Variants in UNC80 observed in about 807,000 individuals in gnomAD.
The protein encoded by UNC80 is unc-80 subunit of NALCN channel complex.
In UNC80, 164 loss-of-function variants were observed where a neutral mutation model predicts 384.6. The ratio of observed to expected loss-of-function variants is 0.43; its 90% CI spans 0.38 to 0.49. The LOEUF (loss-of-function observed/expected upper bound fraction) is 0.49. Ranked by LOEUF, UNC80 falls within the 20% of genes least tolerant of loss-of-function variation. UNC80 has a pLI of 0.00. For missense variants in UNC80, 3,330 were observed against 4,143.0 expected (o/e 0.80, Z 5.39); for synonymous variants, 1,486 against 1,527.8 (o/e 0.97, Z 0.64).
intron 23 of UNC80, 79 bp downstream of exon 23, chr2:209,873,049 T>G: frequency 7.5e-7 from 1 of 1,329,152 alleles, no homozygotes; most frequent in Non-Finnish European, 1.1e-6. Flanking sequence ...TGTGTTTGTT[T>G]TGAAGACAAT....
chr2:209,970,905 C>T lies in UNC80; in HGVS notation c.8204C>T (p.Pro2735Leu), dbSNP rs1460653144. 1 of 1,551,884 alleles carries T rather than the reference C, an allele frequency of 6.4e-7. No individual in the cohort carries two copies. Among genetic ancestry groups the T allele is most frequent in the Non-Finnish European group, 8.7e-7 (1 of 1,147,034 alleles). The change falls in exon 54 of 65, where the codon CCA (proline) becomes CTA (leucine). Residue 2735 changes from proline to leucine, a missense_variant. Coordinates refer to ENST00000673920, the MANE Select transcript of UNC80 (RefSeq NM_001371986.1). ...CTTCATCTCAGCCCTTATCTCTCAC[C>T]ACCTCTGCCCTTCAGCACAGCTGTT... is the stretch of plus-strand genomic sequence containing the variant. ...PLLHLSPYLS[P>L]PLPFSTAVVR... is the part of the protein sequence containing the mutation.
intron 7 of UNC80, among the ~76,000 whole-genome samples, chr2:209,801,541 C>A (rs1247491931): frequency 6.6e-6 from 1 of 151,702 alleles, no homozygotes; most frequent in East Asian, 1.9e-4. Flanking sequence ...TGCTACCACG[C>A]CTGACTAATT....
intron 13 of UNC80, 21 bp from the exon 14 acceptor site, chr2:209,825,886 T>C (rs2080481538): frequency 1.5e-5 from 22 of 1,511,878 alleles, no homozygotes; most frequent in Non-Finnish European, 1.9e-5. Flanking sequence ...CTTTTCTTTC[T>C]TTCTCATTCG....
At chr2:209,842,299 A>T in intron 20 of UNC80, 51 bp from the exon 21 acceptor site, 1 of 1,372,656 alleles carries the variant, frequency 7.3e-7, no homozygotes, top group South Asian at 1.3e-5. Flanking sequence ...AACCACAAAG[A>T]TTTACCTTTG....
chr2:209,961,924 C>G (rs1259891113), intron 51 of UNC80, among the ~76,000 whole-genome samples: 1 of 152,152 alleles, frequency 6.6e-6, no homozygotes, highest in Non-Finnish European at 1.5e-5. Flanking sequence ...AGGGGAAGCT[C>G]TCCATTTTTG....
intron 19 of UNC80, 101 bp from the exon 20 acceptor site, chr2:209,840,441 C>A: frequency 1.1e-6 from 1 of 937,184 alleles, no homozygotes; most frequent in Non-Finnish European, 1.7e-6. Context: ...TTATACCAAG[C>A]CATGTAACTT....
chr2:209,801,486 G>A (rs10182869), intron 7 of UNC80, among the ~76,000 whole-genome samples: 148,557 of 150,064 alleles, frequency 0.99, 73,548 homozygotes, highest in East Asian at 1. Context: ...GGATTCAAGC[G>A]ATTCTCCTGC....
At position 209,959,039 on chromosome 2, in the gene UNC80, A is replaced by G. The variant is rs2092506566; in HGVS notation, c.7551-80A>G. On this transcript the variant is annotated intron_variant, in intron 49 of 64. Coordinates refer to ENST00000673920, the MANE Select transcript of UNC80 (RefSeq NM_001371986.1). The stretch of plus-strand genomic sequence containing the variant: ...ATGTATAGCTTCAAGGGCTTTTCAT[A>G]TGAAAGTCGATAAGAAGCCCCAACC... 11 of 1,195,342 alleles carry G rather than the reference A, an allele frequency of 9.2e-6. No homozygotes were observed. The East Asian group carries it at 1.3e-4, about 14-fold the overall frequency. The allele number at this position is 1,195,342 out of a possible 1,614,324, so 74.0% of individuals were successfully genotyped here.
At chr2:209,808,807 C>A in intron 7 of UNC80, 1 of 30,208 alleles carries the variant, frequency 3.3e-5, no homozygotes, top group East Asian at 1.4e-3. Context: ...TGCCACCATG[C>A]CGCGCTCTTT....
At chr2:209,781,844 C>T (rs1020140352) in intron 4 of UNC80, among the ~76,000 whole-genome samples, 1 of 152,116 alleles carries the variant, frequency 6.6e-6, no homozygotes, top group African/African-American at 2.4e-5. Context: ...ATAAATAATC[C>T]ATGGGAAATT....
chr2:209,786,208 C>G lies in UNC80; in HGVS notation c.724+19C>G, dbSNP rs2077417560. ...ATTACAGGTTTGTAACTTGGACACT[C>G]AGTAGGACAGTATTAGCAGATTCCC... is the stretch of plus-strand genomic sequence containing the variant. On this transcript the variant is annotated intron_variant, in intron 5 of 64. Transcript: ENST00000673920. The G allele has an allele frequency of 1.2e-6, 2 of 1,611,504 alleles. No homozygotes were observed. Among genetic ancestry groups the G allele is most frequent in the African/African-American group, 2.7e-5 (2 of 74,954 alleles).
chr2:209,927,066 A>C, intron 36 of UNC80, 80 bp downstream of exon 36: 7 of 1,436,972 alleles, frequency 4.9e-6, no homozygotes, highest in Non-Finnish European at 6.6e-6. Context: ...GCTCTTAAAC[A>C]CATTATCTAC....
In UNC80 at chr2:209,894,330, CAGCTGT is replaced by C. The variant is rs1413495522; in HGVS notation, c.4445_4450del (p.Gln1482_Ser1484delinsPro). 1.0e-6 allele frequency: 1 copy of C among 985,226 alleles called. No individual in the cohort carries two copies. Among genetic ancestry groups the C allele is most frequent in the African/African-American group, 1.7e-5 (1 of 57,206 alleles). The allele number at this position is 985,226 out of a possible 1,614,324, so 61.0% of individuals were successfully genotyped here. A position where few individuals can be genotyped will look rare whatever the true frequency, so the allele number is the denominator to read the frequency against. On this transcript the variant is annotated inframe_deletion, in exon 27 of 65. Coordinates refer to ENST00000673920, the MANE Select transcript of UNC80 (RefSeq NM_001371986.1). Reference sequence around the variant, plus strand: ...CTCAGAGTCTGAGGCTGAGGAGCTGCAGCTGTCCCAGAGCAGGGACACTGTCACTGA... The same window carrying C: ...CTCAGAGTCTGAGGCTGAGGAGCTGCCCCAGAGCAGGGACACTGTCACTGA...
chr2:209,853,257 G>T (rs1399734939), intron 22 of UNC80, among the ~76,000 whole-genome samples: 1 of 151,840 alleles, frequency 6.6e-6, no homozygotes, highest in East Asian at 1.9e-4. Context: ...TACAATTTTT[G>T]CATTTTGACA....
intron 7 of UNC80, chr2:209,809,461 C>T (rs1446326718): frequency 2.1e-6 from 3 of 1,460,036 alleles, no homozygotes; most frequent in Admixed American, 1.7e-5. Flanking sequence ...CCTGCGGGCC[C>T]ACCTCCAGAC....
chr2:209,936,851 T>G lies in UNC80; in HGVS notation c.6281T>G (p.Leu2094Arg). Residue 2094 changes from leucine to arginine, a missense_variant, in exon 41 of 65, where the codon CTG becomes CGG. Around this residue, in one of 8 missense-constraint regions of UNC80, gnomAD observed 1,049 missense variants for 1,488.6 expected, o/e 0.70. Coordinates refer to ENST00000673920, the MANE Select transcript of UNC80 (RefSeq NM_001371986.1). ...TQFEALLKECLEFFNIPESQS... is the reference protein window; with the variant it reads ...TQFEALLKECREFFNIPESQS... ...TTGTTGCTATTGTTCTAGGAGTGTC[T>G]GGAGTTTTTTAATATCCCAGAATCC... The G allele has an allele frequency of 6.5e-7, 1 of 1,547,878 alleles. No homozygotes were observed. Among genetic ancestry groups the G allele is most frequent in the Non-Finnish European group, 8.7e-7 (1 of 1,143,526 alleles).
At chr2:209,889,379 C>T (rs2086123359) in intron 26 of UNC80, among the ~76,000 whole-genome samples, 1 of 152,144 alleles carries the variant, frequency 6.6e-6, no homozygotes, top group Admixed American at 6.5e-5. Flanking sequence ...CAGTATTTTC[C>T]ATCTGTACAT....
Position 209,835,009 on chromosome 2 carries a change from C to T in UNC80, c.3040C>T (p.His1014Tyr). The T allele has an allele frequency of 6.5e-7, 1 of 1,549,584 alleles. No individual in the cohort carries two copies. Among genetic ancestry groups the T allele is most frequent in the Non-Finnish European group, 8.7e-7 (1 of 1,145,626 alleles). The change falls in exon 18 of 65, where the codon CAC becomes TAC. Residue 1014 changes from histidine to tyrosine, a missense_variant and splice_region_variant. His to Tyr is a moderately conservative substitution (Grantham distance 83). This residue lies in a region of UNC80 where 801 missense variants were observed against 950.8 expected (regional missense o/e 0.84). Transcript: ENST00000673920. ...MSGRPSQTPE[H>Y]DEQMQGANLG... is the part of the protein sequence containing the mutation. ...TGGTCGCCCCTCACAGACTCCAGAG[C>T]AGTAAGTAGCGTTGGTTTTGTCTCC...
chr2:209,806,450 G>A (rs893512089), intron 7 of UNC80, among the ~76,000 whole-genome samples: 2 of 152,034 alleles, frequency 1.3e-5, no homozygotes, highest in African/African-American at 4.8e-5. Context: ...GTGCGTAGTC[G>A]CCCACAGCAA....
Sources: allele counts gnomAD v4.1 joint callset (sites outside exome capture counted in the v4.1 genomes callset), GRCh38; gene constraint gnomAD v4.1.1; regional missense constraint gnomAD v4.1.1; transcripts MANE v1.5; gene names NCBI Gene and HGNC (gene_info 2026-07-23, HGNC 2026-07-21).